GRIK2: variants seen among roughly 807,000 people sequenced by gnomAD.
GRIK2 encodes the protein glutamate receptor ionotropic, kainate 2.
Under a neutral mutation model 100.3 loss-of-function variants are expected in GRIK2, and 32 were observed. The ratio of observed to expected loss-of-function variants is 0.32; its 90% confidence interval spans 0.24 to 0.43. The LOEUF (loss-of-function observed/expected upper bound fraction) is 0.43. Among genes scored for constraint, GRIK2 ranks in the 20% least tolerant of loss-of-function variants. GRIK2 has a pLI of 1.00. For synonymous variants in GRIK2, 417 were observed against 389.4 expected, an observed-to-expected ratio of 1.07 and a Z score of -0.83; for missense variants, 843 against 1,114.9, an observed-to-expected ratio of 0.76 and a Z score of 3.47.
chr6:101,714,517 G>GT (rs1259316724), intron 7 of GRIK2, among the ~76,000 whole-genome samples: 23 of 151,652 alleles, frequency 1.5e-4, no homozygotes. Context: ...TAAAATTCTG[G>GT]TATCAACTTT....
intron 14 of GRIK2, among the ~76,000 whole-genome samples, chr6:102,010,435 G>A (rs781336929): frequency 1.3e-5 from 2 of 150,842 alleles, no homozygotes; most frequent in Non-Finnish European, 2.9e-5. Flanking sequence ...CCAGGCTGAA[G>A]TGCAATGGTG....
At chr6:101,500,120 A>G (rs1182768954) in intron 2 of GRIK2, among the ~76,000 whole-genome samples, 1 of 152,166 alleles carries the variant, frequency 6.6e-6, no homozygotes, top group African/African-American at 2.4e-5. Context: ...GTTAATTTAC[A>G]TAATGGTAAA....
chr6:101,437,468 A>C (rs1395802621), intron 2 of GRIK2, among the ~76,000 whole-genome samples: 1 of 152,100 alleles, frequency 6.6e-6, no homozygotes, highest in Non-Finnish European at 1.5e-5. Flanking sequence ...GATCCTTTTA[A>C]TATTCTTTGT....
intron 10 of GRIK2, among the ~76,000 whole-genome samples, chr6:101,831,342 T>C (rs1782676737): frequency 6.6e-6 from 1 of 152,060 alleles, no homozygotes; most frequent in Admixed American, 6.6e-5. Flanking sequence ...CTTGAAAACA[T>C]TGAGTTGTAC....
chr6:101,662,509 A>G (rs980988918), intron 4 of GRIK2, among the ~76,000 whole-genome samples: 1 of 152,138 alleles, frequency 6.6e-6, no homozygotes, highest in Non-Finnish European at 1.5e-5. Context: ...GTGCAGTCTA[A>G]CATGATACCC....
chr6:101,877,950 A>C (rs1290716710), intron 11 of GRIK2, among the ~76,000 whole-genome samples: 1 of 151,514 alleles, frequency 6.6e-6, no homozygotes. Flanking sequence ...ATCTTAGACA[A>C]CTTGGTTATG....
chr6:101,644,780 T>C (rs1308402610), intron 4 of GRIK2, among the ~76,000 whole-genome samples: 2 of 151,830 alleles, frequency 1.3e-5, no homozygotes. Context: ...TATATCTAGC[T>C]CTGGTCTCAG....
chr6:101,618,639 G>T lies in GRIK2; in HGVS notation c.116-3310G>T, dbSNP rs186383840. 4.0e-5 allele frequency among the ~76,000 whole-genome samples: 6 copies of T among 151,786 alleles called. No individual in the cohort carries two copies. The East Asian group carries it at 1.2e-3, about 29-fold the overall frequency. On this transcript the variant is annotated intron_variant, in intron 2 of 16. Transcript: ENST00000369134. Reference sequence around the variant, plus strand: ...ATACTTCACATGTTGAAGCAATGTAGTGGCTTCCTCTGTAATCAATAACCT... The same window carrying T: ...ATACTTCACATGTTGAAGCAATGTATTGGCTTCCTCTGTAATCAATAACCT...
At chr6:101,691,321 A>G (rs1451145371) in intron 7 of GRIK2, among the ~76,000 whole-genome samples, 1 of 148,416 alleles carries the variant, frequency 6.7e-6, no homozygotes, top group African/African-American at 2.5e-5. Context: ...TTTTTTTGAG[A>G]CAGAGTCTCG....
intron 7 of GRIK2, among the ~76,000 whole-genome samples, chr6:101,789,779 C>A (rs1003134495): frequency 6.6e-6 from 1 of 152,168 alleles, no homozygotes; most frequent in African/African-American, 2.4e-5. Context: ...GGCATTGAAT[C>A]TATAAATTAC....
intron 10 of GRIK2, among the ~76,000 whole-genome samples, chr6:101,843,667 C>T (rs965518800): frequency 3.2e-4 from 48 of 152,022 alleles, no homozygotes; most frequent in African/African-American, 8.5e-4. Flanking sequence ...CCCAACTGCA[C>T]GTTATAATCA....
At chr6:101,727,645 A>T (rs1309757849) in intron 7 of GRIK2, among the ~76,000 whole-genome samples, 2 of 152,062 alleles carry the variant, frequency 1.3e-5, no homozygotes, top group Non-Finnish European at 2.9e-5. Context: ...GAGTTATTTG[A>T]AAGTTTAGTT....
intron 2 of GRIK2, among the ~76,000 whole-genome samples, chr6:101,470,929 T>C (rs1023288218): frequency 6.6e-6 from 1 of 152,188 alleles, no homozygotes; most frequent in Non-Finnish European, 1.5e-5. Flanking sequence ...ACAACCATGA[T>C]GTTATAAATA....
chr6:101,821,536 C>T (rs1386089815), intron 10 of GRIK2, among the ~76,000 whole-genome samples: 1 of 152,020 alleles, frequency 6.6e-6, no homozygotes, highest in Non-Finnish European at 1.5e-5. Context: ...ATGCACTAAG[C>T]TCTCATTTTA....
intron 4 of GRIK2, among the ~76,000 whole-genome samples, chr6:101,651,081 G>GCTCTCATCTAAAATGTTTCA (rs1367835671): frequency 1.5e-5 from 2 of 130,428 alleles, no homozygotes; most frequent in Non-Finnish European, 3.2e-5. Flanking sequence ...ACCCTAAATT[G>GCTCTCATCTAAAATGTTTCA]CTCTCATCTA....
chr6:101,663,898 C>A (rs376457721), intron 4 of GRIK2, among the ~76,000 whole-genome samples: 33 of 152,164 alleles, frequency 2.2e-4, no homozygotes, highest in African/African-American at 7.5e-4. Flanking sequence ...TCTACTCCCA[C>A]CAAATCACAC....
intron 7 of GRIK2, among the ~76,000 whole-genome samples, chr6:101,695,159 C>T (rs1340478356): frequency 1.3e-5 from 2 of 151,888 alleles, no homozygotes; most frequent in Non-Finnish European, 2.9e-5. Context: ...CCAAAAAGCC[C>T]AGATCAAGGT....
intron 2 of GRIK2, among the ~76,000 whole-genome samples, chr6:101,602,772 G>C (rs2128310671): frequency 6.6e-6 from 1 of 151,706 alleles, no homozygotes; most frequent in African/African-American, 2.4e-5. Flanking sequence ...CCAGTAAGTA[G>C]TGCTTAACTA....
chr6:102,037,059 A>C (rs947202616), intron 15 of GRIK2, among the ~76,000 whole-genome samples: 3 of 151,358 alleles, frequency 2.0e-5, no homozygotes, highest in African/African-American at 7.3e-5. Context: ...TTTAATATTA[A>C]ATAAATAATA....
Sources: allele counts gnomAD v4.1 joint callset (sites outside exome capture counted in the v4.1 genomes callset), GRCh38; gene constraint gnomAD v4.1.1; transcripts MANE v1.5; gene names NCBI Gene and HGNC (gene_info 2026-07-23, HGNC 2026-07-21).